Variants in CPA6 observed in about 807,000 individuals in gnomAD.
CPA6 encodes the protein carboxypeptidase B.
In CPA6, 58 loss-of-function variants were observed where a neutral mutation model predicts 63.3. The observed-to-expected ratio is 0.92, with a 90% CI of 0.74 to 1.14. The LOEUF (loss-of-function observed/expected upper bound fraction) is 1.14. CPA6 is among the 50% of genes most tolerant of loss of function. The pLI is 0.00. For missense variants in CPA6, 565 were observed against 526.6 expected (o/e 1.07, Z -0.71); for synonymous variants, 185 against 179.0 (o/e 1.03, Z -0.27).
chr8:67,624,240 A>T lies in CPA6; in HGVS notation c.128T>A (p.Ile43Lys). 6.9e-7 allele frequency: 1 copy of T among 1,459,118 alleles called. No homozygotes were observed. Among genetic ancestry groups the T allele is most frequent in the East Asian group, 2.3e-5 (1 of 44,104 alleles). The allele number at this position is 1,459,118 out of a possible 1,614,324, so 90.4% of individuals were successfully genotyped here. ...CTCTTCTGTTTTGGGAATAAATCTT[A>T]TCACTTTATCACTACAAGATAAGAA... ...YNNRYAGDKV[I>K]RFIPKTEEEA... is the part of the protein sequence containing the mutation. The change falls in exon 2 of 11, where the codon ATA (isoleucine) becomes AAA (lysine). Residue 43 changes from isoleucine to lysine, a missense_variant. Coordinates refer to ENST00000297770, the MANE Select transcript of CPA6 (RefSeq NM_020361.5).
intron 2 of CPA6, among the ~76,000 whole-genome samples, chr8:67,612,436 G>A (rs1439972140): frequency 1.3e-5 from 2 of 152,190 alleles, no homozygotes; most frequent in African/African-American, 2.4e-5. Context: ...CACAATCTCT[G>A]TACTGGGTCA....
intron 2 of CPA6, among the ~76,000 whole-genome samples, chr8:67,607,122 T>C (rs1587626944): frequency 1.1e-5 from 1 of 93,190 alleles, no homozygotes; most frequent in Non-Finnish European, 2.0e-5. Flanking sequence ...CTCCTCCTCC[T>C]CCTCCTCCTC....
intron 8 of CPA6, 174 bp downstream of exon 8, chr8:67,483,594 C>A (rs989639213): frequency 6.8e-6 from 4 of 592,400 alleles, no homozygotes; most frequent in South Asian, 4.2e-5. Context: ...AAAAAGAATC[C>A]TTTCATTTTC....
At chr8:67,466,316 G>T (rs945698955) in intron 8 of CPA6, among the ~76,000 whole-genome samples, 1 of 151,838 alleles carries the variant, frequency 6.6e-6, no homozygotes, top group African/African-American at 2.4e-5. Flanking sequence ...CACTTCTGTT[G>T]TTTCTGATTG....
At chr8:67,580,137 T>C (rs1045078427) in intron 2 of CPA6, among the ~76,000 whole-genome samples, 3 of 152,140 alleles carry the variant, frequency 2.0e-5, no homozygotes, top group Non-Finnish European at 4.4e-5. Context: ...AGAAAAACTC[T>C]CTTTTGGTGT....
chr8:67,440,943 T>C lies in CPA6; in HGVS notation c.839-6703A>G, dbSNP rs80161105. Among the ~76,000 whole-genome samples, 81 of 152,330 alleles carry C rather than the reference T, an allele frequency of 5.3e-4. No individual in the cohort carries two copies. In the East Asian group the frequency reaches 0.015, roughly 28 times the overall value. On this transcript the variant is annotated intron_variant, in intron 8 of 10. Coordinates refer to ENST00000297770, the MANE Select transcript of CPA6 (RefSeq NM_020361.5). ...TTTCTCTGTGTGTCCTCTCTTCTTA[T>C]TGTAAGGACAACTCACTGAATTTAA...
chr8:67,594,547 C>T (rs537924101), intron 2 of CPA6, among the ~76,000 whole-genome samples: 19 of 152,326 alleles, frequency 1.2e-4, no homozygotes, highest in African/African-American at 4.3e-4. Flanking sequence ...TTGGTCTTTT[C>T]ACGTAGTCCC....
At chr8:67,614,175 C>T (rs1190853113) in intron 2 of CPA6, among the ~76,000 whole-genome samples, 1 of 152,208 alleles carries the variant, frequency 6.6e-6, no homozygotes, top group Non-Finnish European at 1.5e-5. Context: ...AGCTTTGTAA[C>T]TCCTAGACAC....
At chr8:67,484,005 C>A in intron 7 of CPA6, 147 bp from the exon 8 acceptor site, 1 of 678,354 alleles carries the variant, frequency 1.5e-6, no homozygotes, top group South Asian at 1.8e-5. Context: ...AAAAAGAGCA[C>A]TGGATTAGTA....
intron 2 of CPA6, among the ~76,000 whole-genome samples, chr8:67,531,391 G>A (rs1420078329): frequency 6.6e-6 from 1 of 151,860 alleles, no homozygotes; most frequent in Non-Finnish European, 1.5e-5. Flanking sequence ...AAACTAGAAT[G>A]GTTGAAAATT....
chr8:67,530,494 C>T (rs1812456095), intron 2 of CPA6, among the ~76,000 whole-genome samples: 1 of 152,144 alleles, frequency 6.6e-6, no homozygotes, highest in Non-Finnish European at 1.5e-5. Flanking sequence ...AACTAGATAA[C>T]TGGAACACTC....
intron 2 of CPA6, among the ~76,000 whole-genome samples, chr8:67,610,083 A>G (rs949393295): frequency 6.6e-6 from 1 of 151,670 alleles, no homozygotes; most frequent in East Asian, 1.9e-4. Context: ...AAACCAAAAA[A>G]CCATAGTTAG....
At chr8:67,538,154 A>G (rs755051649) in intron 2 of CPA6, among the ~76,000 whole-genome samples, 12 of 152,200 alleles carry the variant, frequency 7.9e-5, no homozygotes, top group Non-Finnish European at 1.6e-4. Context: ...AGAAGAATGT[A>G]TATTCTGTCA....
At chr8:67,649,476 C>T (rs898408786) in intron 1 of CPA6, among the ~76,000 whole-genome samples, 19 of 152,132 alleles carry the variant, frequency 1.2e-4, no homozygotes, top group African/African-American at 4.6e-4. Context: ...AAAGACTTTC[C>T]ATGTACTATC....
intron 1 of CPA6, among the ~76,000 whole-genome samples, chr8:67,697,357 T>G (rs1164869894): frequency 2.0e-5 from 3 of 152,186 alleles, no homozygotes; most frequent in Non-Finnish European, 4.4e-5. Flanking sequence ...TGTGCTCTCA[T>G]GTGAAAAAGA....
At chr8:67,496,072 C>A (rs1811704419) in intron 6 of CPA6, among the ~76,000 whole-genome samples, 1 of 152,174 alleles carries the variant, frequency 6.6e-6, no homozygotes, top group Non-Finnish European at 1.5e-5. Context: ...TCCAACTTCT[C>A]AGTCAAGGCT....
At chr8:67,645,692 A>G (rs1815699622) in intron 1 of CPA6, among the ~76,000 whole-genome samples, 1 of 152,216 alleles carries the variant, frequency 6.6e-6, no homozygotes, top group Admixed American at 6.5e-5. Context: ...TAAAGCACGT[A>G]ATACCTTTTT....
chr8:67,657,311 T>C lies in CPA6; in HGVS notation c.117-33060A>G, dbSNP rs550131800. ...TGTGATTGTGAATAGGAATAAACTA[T>C]TGCATATCTCTGAAAAATAATCTGA... On this transcript the variant is annotated intron_variant, in intron 1 of 10. Coordinates refer to ENST00000297770, the MANE Select transcript of CPA6 (RefSeq NM_020361.5). Among the ~76,000 whole-genome samples, 10 of 148,798 alleles carry C rather than the reference T, an allele frequency of 6.7e-5. No homozygotes were observed. The Middle Eastern group carries it at 0.01, about 153-fold the overall frequency.
intron 8 of CPA6, among the ~76,000 whole-genome samples, chr8:67,466,943 G>C (rs1810940496): frequency 6.6e-6 from 1 of 152,080 alleles, no homozygotes; most frequent in Non-Finnish European, 1.5e-5. Context: ...ATTAAAACCA[G>C]TGAAAAAATA....
Sources: allele counts gnomAD v4.1 joint callset (sites outside exome capture counted in the v4.1 genomes callset), GRCh38; gene constraint gnomAD v4.1.1; transcripts MANE v1.5; gene names NCBI Gene and HGNC (gene_info 2026-07-23, HGNC 2026-07-21).